Variants in NUP153 observed in about 807,000 individuals in gnomAD.
The protein encoded by NUP153 is nuclear pore complex protein Nup153.
A neutral mutation model predicts 134.6 loss-of-function variants in NUP153; 27 were observed. The observed-to-expected ratio is 0.20, with a 90% CI of 0.15 to 0.28. The LOEUF (loss-of-function observed/expected upper bound fraction) is 0.28, where lower values mean the gene tolerates loss of function less well. Ranked by LOEUF, NUP153 falls within the 10% of genes least tolerant of loss-of-function variation. NUP153 has a pLI of 1.00. For synonymous variants in NUP153, 640 were observed against 623.5 expected, an observed-to-expected ratio of 1.03 and a Z score of -0.40; for missense variants, 1,821 against 1,731.3, an observed-to-expected ratio of 1.05 and a Z score of -0.92.
intron 2 of NUP153, among the ~76,000 whole-genome samples, chr6:17,685,268 T>C (rs1162804648): frequency 2.6e-5 from 4 of 152,150 alleles, no homozygotes; most frequent in East Asian, 1.9e-4. Flanking sequence ...AGTCAACTAG[T>C]TGGGAGCGGT....
At chr6:17,705,287 A>C (rs1290358092) in intron 1 of NUP153, among the ~76,000 whole-genome samples, 1 of 152,234 alleles carries the variant, frequency 6.6e-6, no homozygotes, top group African/African-American at 2.4e-5. Context: ...AAAATAAGTT[A>C]ACATTTTCCT....
At chr6:17,663,888 A>G (rs1424851009) in intron 9 of NUP153, among the ~76,000 whole-genome samples, 3 of 152,144 alleles carry the variant, frequency 2.0e-5, no homozygotes, top group South Asian at 2.1e-4. Flanking sequence ...TGATCCAGCA[A>G]TTCTATTTCT....
At chr6:17,646,041 T>C in intron 14 of NUP153, 26 bp downstream of exon 14, 2 of 1,099,766 alleles carry the variant, frequency 1.8e-6, no homozygotes, top group Non-Finnish European at 2.7e-6. Flanking sequence ...TGTTTGTATG[T>C]TAAAATGTAA....
At chr6:17,701,079 G>A (rs1770030363) in intron 1 of NUP153, among the ~76,000 whole-genome samples, 1 of 152,058 alleles carries the variant, frequency 6.6e-6, no homozygotes, top group African/African-American at 2.4e-5. Context: ...TACAAAATTA[G>A]CTGGGAGTGG....
chr6:17,697,776 T>A (rs563152964), intron 1 of NUP153, among the ~76,000 whole-genome samples: 3 of 151,140 alleles, frequency 2.0e-5, no homozygotes, highest in Admixed American at 2.0e-4. Context: ...GGGAAGGCTA[T>A]TCTATAACAC....
intron 1 of NUP153, among the ~76,000 whole-genome samples, chr6:17,696,775 T>TA (rs769379140): frequency 2.1e-4 from 31 of 150,862 alleles, no homozygotes; most frequent in African/African-American, 5.4e-4. Flanking sequence ...AACAAATAAA[T>TA]AAAATCTTAA....
intron 1 of NUP153, among the ~76,000 whole-genome samples, chr6:17,702,601 A>G (rs540838994): frequency 2.2e-4 from 34 of 151,626 alleles, no homozygotes; most frequent in Non-Finnish European, 3.5e-4. Context: ...GCTTGAACCC[A>G]GGAGGCAGAG....
At chr6:17,703,324 G>T (rs1473959975) in intron 1 of NUP153, among the ~76,000 whole-genome samples, 3 of 151,940 alleles carry the variant, frequency 2.0e-5, no homozygotes, top group Non-Finnish European at 4.4e-5. Context: ...AACACATGCA[G>T]AAGTCATAGG....
intron 16 of NUP153, among the ~76,000 whole-genome samples, chr6:17,635,942 C>T (rs1199401499): frequency 1.3e-5 from 2 of 152,162 alleles, no homozygotes; most frequent in Non-Finnish European, 2.9e-5. Context: ...TGTTATTCCC[C>T]TTCAACTTAA....
chr6:17,624,273 G>A (rs567202520), intron 20 of NUP153, among the ~76,000 whole-genome samples: 1 of 152,190 alleles, frequency 6.6e-6, no homozygotes, highest in East Asian at 1.9e-4. Flanking sequence ...AGCTAGCCTT[G>A]CAAGCCCAAA....
chr6:17,691,447 G>GT (rs1474428230), intron 1 of NUP153, among the ~76,000 whole-genome samples: 2 of 152,156 alleles, frequency 1.3e-5, no homozygotes, highest in Non-Finnish European at 2.9e-5. Context: ...ACTTGAAAGT[G>GT]TTTAAAAGCT....
intron 17 of NUP153, among the ~76,000 whole-genome samples, chr6:17,630,347 G>A (rs766900029): frequency 5.9e-5 from 9 of 152,152 alleles, no homozygotes; most frequent in Admixed American, 2.6e-4. Flanking sequence ...GAATTACAGA[G>A]TTGAAGCAAT....
At chr6:17,664,433 T>C (rs1307410206) in intron 9 of NUP153, among the ~76,000 whole-genome samples, 1 of 152,206 alleles carries the variant, frequency 6.6e-6, no homozygotes, top group Non-Finnish European at 1.5e-5. Context: ...GTTTGAGGTC[T>C]GGAAAAACAA....
Position 17,675,810 on chromosome 6 carries a change from G to A in NUP153, c.335-40C>T. On this transcript the variant is annotated intron_variant, in intron 2 of 21. Transcript: ENST00000262077. The surrounding 1 kb of genome is among the most constrained non-coding windows in gnomAD (Gnocchi z 4.4). ...ATTAATATTATGAATATACAACTTA[G>A]AGCGATACACTACCACAAATGGTTT... 7 of 1,581,808 alleles carry A rather than the reference G, an allele frequency of 4.4e-6. No homozygotes were observed. Among genetic ancestry groups the A allele is most frequent in the Non-Finnish European group, 6.1e-6 (7 of 1,150,970 alleles).
At chr6:17,654,324 A>ATT (rs34451625) in intron 11 of NUP153, among the ~76,000 whole-genome samples, 18 of 145,242 alleles carry the variant, frequency 1.2e-4, no homozygotes, top group African/African-American at 3.5e-4. Context: ...CCTTGAACCA[A>ATT]TTTTTTTTTT....
chr6:17,628,669 G>C lies in NUP153; in HGVS notation c.3530C>G (p.Thr1177Ser). Reference protein sequence around the residue: ...AKATFAFGAQTSTTADQGAAK... With the variant: ...AKATFAFGAQSSTTADQGAAK... ...TTAATACTTACCAGCTGTAGTACTA[G>C]TTTGAGCTCCAAAGGCAAAAGTGGC... Residue 1177 changes from threonine to serine, a missense_variant, in exon 18 of 22, where the codon ACT becomes AGT. Transcript: ENST00000262077. The surrounding 1 kb of genome is among the most constrained non-coding windows in gnomAD (Gnocchi z 5.4). 1.9e-6 allele frequency: 3 copies of C among 1,600,432 alleles called. No homozygotes were observed. Among genetic ancestry groups the C allele is most frequent in the Non-Finnish European group, 1.7e-6 (2 of 1,172,898 alleles).
intron 14 of NUP153, 91 bp downstream of exon 14, chr6:17,645,976 T>G: frequency 2.0e-6 from 1 of 497,776 alleles, no homozygotes; most frequent in East Asian, 3.4e-5. Flanking sequence ...ATGAAGGCAT[T>G]TATAAGAATT....
intron 11 of NUP153, among the ~76,000 whole-genome samples, chr6:17,654,028 A>G (rs1243824069): frequency 6.6e-6 from 1 of 152,148 alleles, no homozygotes; most frequent in Non-Finnish European, 1.5e-5. Flanking sequence ...GGACAGGTAA[A>G]TTTTTCTTTT....
intron 11 of NUP153, among the ~76,000 whole-genome samples, chr6:17,649,559 C>A (rs185468653): frequency 6.0e-4 from 27 of 44,728 alleles, no homozygotes; most frequent in African/African-American, 1.6e-3. Context: ...GTAATTCTTA[C>A]GATATACTAC....
Sources: gnomAD v4.1 joint callset for allele counts (sites outside exome capture counted in the v4.1 genomes callset) on GRCh38, gnomAD v4.1.1 for gene constraint, Gnocchi (gnomAD v3.1) non-coding constraint, MANE v1.5 for transcripts, NCBI Gene and HGNC (gene_info 2026-07-23, HGNC 2026-07-21) for gene names.